The following RACGAP1 variants were observed in gnomAD, a reference collection of about 807,000 sequenced individuals.
The protein encoded by RACGAP1 is Rac GTPase activating protein 1.
In RACGAP1, 30 loss-of-function variants were observed where a neutral mutation model predicts 78.1. The observed-to-expected ratio is 0.38, with a 90% CI of 0.29 to 0.52. The LOEUF is 0.52. RACGAP1 is among the 20% of genes least tolerant of loss of function. The probability of loss-of-function intolerance (pLI) is 0.82; values close to 1 mark genes in which losing one functional copy is unlikely to be tolerated. For synonymous variants in RACGAP1, 231 were observed against 264.8 expected (o/e 0.87, Z 1.24); for missense variants, 587 against 777.1 (o/e 0.76, Z 2.91).
chr12:50,020,437 G>C (rs1433978177), intron 1 of RACGAP1, among the ~76,000 whole-genome samples: 1 of 151,980 alleles, frequency 6.6e-6, no homozygotes, highest in African/African-American at 2.4e-5. Context: ...GCTTGCCTCG[G>C]CCTCCCAAAG....
chr12:50,031,612 G>A (rs1592253458), intron 2 of RACGAP1: 1 of 868,648 alleles, frequency 1.2e-6, no homozygotes, highest in East Asian at 1.2e-4. Context: ...TTTCCACCTG[G>A]GGCCTTCAAC....
upstream of RACGAP1, chr12:50,025,552 A>C (rs138187359): frequency 1.0e-6 from 1 of 985,376 alleles, no homozygotes; most frequent in African/African-American, 1.7e-5. Flanking sequence ...CTACGGTGTG[A>C]CGTACGCGTC....
intron 7 of RACGAP1, among the ~76,000 whole-genome samples, chr12:50,000,954 A>G (rs1367238298): frequency 6.6e-6 from 1 of 152,350 alleles, no homozygotes; most frequent in South Asian, 2.1e-4. Flanking sequence ...AGGCTGAGAC[A>G]AGAGAATCAC....
rs372816350 is a variant in RACGAP1 at position 50,021,404 on chromosome 12, T to C, written c.-5+3994A>G. ...CCCAGAGGTGGAGAAGTCAGTATGT[T>C]ACAGATTCCCAATCTGTGAGTATCC... is the stretch of plus-strand genomic sequence containing the variant. On this transcript the variant is annotated intron_variant, in intron 1 of 16. Transcript: ENST00000312377. Among the ~76,000 whole-genome samples the C allele has an allele frequency of 9.8e-5, 15 of 152,342 alleles. No individual in the cohort carries two copies. In the South Asian group the frequency reaches 2.3e-3, roughly 23 times the overall value.
chr12:49,994,182 T>C lies in RACGAP1; in HGVS notation c.1288A>G (p.Lys430Glu). Residue 430 changes from lysine to glutamate, a missense_variant, in exon 12 of 17, where the codon AAA becomes GAA. Transcript: ENST00000312377. Reference sequence around the variant, plus strand: ...AGGCGAAAGGTCAGAAGAGGTTCTTTGAGGTTTCGAAGAAAGTCTTTTAGA... The same window carrying C: ...AGGCGAAAGGTCAGAAGAGGTTCTTCGAGGTTTCGAAGAAAGTCTTTTAGA... ...SLLKDFLRNL[K>E]EPLLTFRLNR... 6.2e-7 allele frequency: 1 copy of C among 1,613,890 alleles called. No individual in the cohort carries two copies. Among genetic ancestry groups the C allele is most frequent in the Non-Finnish European group, 8.5e-7 (1 of 1,180,006 alleles).
At chr12:49,999,059 A>G in intron 9 of RACGAP1, 82 bp downstream of exon 9, 1 of 1,436,664 alleles carries the variant, frequency 7.0e-7, no homozygotes. Context: ...ACTTTATAAC[A>G]CTAAAGTATT....
intron 2 of RACGAP1, among the ~76,000 whole-genome samples, chr12:50,010,376 T>C (rs1165797025): frequency 6.6e-6 from 1 of 151,486 alleles, no homozygotes; most frequent in East Asian, 2.0e-4. Context: ...CAGGCTGTAG[T>C]GCAATGACAT....
At chr12:50,019,162 C>G (rs1356921733) in intron 1 of RACGAP1, among the ~76,000 whole-genome samples, 1 of 152,152 alleles carries the variant, frequency 6.6e-6, no homozygotes, top group Non-Finnish European at 1.5e-5. Flanking sequence ...GTACTCTTCT[C>G]TCATGTATCT....
intron 9 of RACGAP1, among the ~76,000 whole-genome samples, chr12:49,997,585 T>G (rs1294191118): frequency 6.7e-6 from 1 of 148,980 alleles, no homozygotes; most frequent in East Asian, 2.0e-4. Flanking sequence ...TTTTTTGTCT[T>G]TTTTTGAGAC....
chr12:49,995,496 A>T (rs1948201328), intron 10 of RACGAP1, among the ~76,000 whole-genome samples: 1 of 146,084 alleles, frequency 6.8e-6, no homozygotes, highest in African/African-American at 2.5e-5. Flanking sequence ...TTACATAATA[A>T]TTTTTTTTTT....
chr12:50,012,118 A>G (rs574064162), intron 2 of RACGAP1, among the ~76,000 whole-genome samples: 1 of 152,154 alleles, frequency 6.6e-6, no homozygotes, highest in South Asian at 2.1e-4. Context: ...ACAGAGCGAG[A>G]CCTTGTCTCC....
In RACGAP1 at chr12:50,005,261, G is replaced by T; in HGVS notation, c.420C>A (p.Asn140Lys). The change falls in exon 4 of 17, where the codon AAC becomes AAA. Residue 140 changes from asparagine (N) to lysine (K), a missense_variant. By Grantham distance (94) the Asn-to-Lys change is moderately conservative. Transcript: ENST00000312377. ...RGQPSSSNAG[N>K]KRLSTIDESG... ...AACAGATGCAGTTCCTCCACCTTTTGTTCCCAGCATTGCTGCTGGATGGTT... is the reference window on the plus strand; with the variant it reads ...AACAGATGCAGTTCCTCCACCTTTTTTTCCCAGCATTGCTGCTGGATGGTT... The T allele has an allele frequency of 6.2e-7, 1 of 1,614,096 alleles. No individual in the cohort carries two copies. The highest frequency in any genetic ancestry group is 1.1e-5 in the South Asian group (1 of 91,080).
intron 4 of RACGAP1, among the ~76,000 whole-genome samples, chr12:50,004,932 A>G (rs1948885596): frequency 1.3e-5 from 2 of 152,318 alleles, no homozygotes; most frequent in South Asian, 2.1e-4. Flanking sequence ...GAGAGTAAAC[A>G]CTGAAAGTAT....
intron 1 of RACGAP1, chr12:50,018,494 T>C (rs1949806613): frequency 3.2e-6 from 4 of 1,249,052 alleles, no homozygotes; most frequent in South Asian, 1.3e-5. Flanking sequence ...GGATTTAACA[T>C]ATAATGAAAT....
chr12:50,026,768 A>G (rs1045921615), upstream of RACGAP1, among the ~76,000 whole-genome samples: 1 of 152,218 alleles, frequency 6.6e-6, no homozygotes, highest in African/African-American at 2.4e-5. Context: ...GCTCACTGCA[A>G]ATATGAACTC....
chr12:50,024,737 A>G (rs1228867462), intron 1 of RACGAP1, among the ~76,000 whole-genome samples: 1 of 151,842 alleles, frequency 6.6e-6, no homozygotes, highest in Non-Finnish European at 1.5e-5. Flanking sequence ...CTAAACACCT[A>G]CAATAACTCG....
chr12:50,016,356 T>A (rs7964652), intron 2 of RACGAP1, among the ~76,000 whole-genome samples: 11,005 of 152,096 alleles, frequency 0.072, 1,337 homozygotes, highest in African/African-American at 0.25. Context: ...CACTCCAGCC[T>A]GGGTGACAGA....
At position 49,997,165 on chromosome 12, in the gene RACGAP1, T is replaced by C; in HGVS notation, c.919A>G (p.Ile307Val). 6.2e-7 allele frequency: 1 copy of C among 1,608,836 alleles called. No homozygotes were observed. Among genetic ancestry groups the C allele is most frequent in the Non-Finnish European group, 8.5e-7 (1 of 1,175,990 alleles). The change falls in exon 10 of 17, where the codon ATA (isoleucine) becomes GTA (valine). Residue 307 changes from isoleucine to valine, a missense_variant. Transcript: ENST00000312377. Reference protein sequence around the residue: ...PESCVPCGKRIKFGKLSLKCR... With the variant: ...PESCVPCGKRVKFGKLSLKCR... Reference sequence around the variant, plus strand: ...TTCAGAGATAATTTGCCAAATTTTATCCGCTTTCCACATGGAACACAGGAT... The same window carrying C: ...TTCAGAGATAATTTGCCAAATTTTACCCGCTTTCCACATGGAACACAGGAT...
At chr12:50,029,586 T>G (rs1950313078), upstream of RACGAP1, among the ~76,000 whole-genome samples, 1 of 151,172 alleles carries the variant, frequency 6.6e-6, no homozygotes, top group East Asian at 1.9e-4. Flanking sequence ...AAAATAAAAT[T>G]TAATTTAATT....
Sources: gnomAD v4.1 joint callset for allele counts (sites outside exome capture counted in the v4.1 genomes callset) on GRCh38, gnomAD v4.1.1 for gene constraint, MANE v1.5 for transcripts, NCBI Gene and HGNC (gene_info 2026-07-23, HGNC 2026-07-21) for gene names.